The following VPS41 variants were observed in gnomAD, a reference collection of about 807,000 sequenced individuals.
VPS41 encodes VPS41 subunit of HOPS complex.
A neutral mutation model predicts 130.9 loss-of-function variants in VPS41; 85 were observed. That is an observed-to-expected ratio of 0.65 (90% confidence interval 0.55 to 0.78). The LOEUF is 0.78. VPS41 is among the 30% of genes least tolerant of loss of function. The pLI is 0.00. For synonymous variants in VPS41, 335 were observed against 332.9 expected, an observed-to-expected ratio of 1.01 and a Z score of -0.07; for missense variants, 874 against 1,018.7, an observed-to-expected ratio of 0.86 and a Z score of 1.93.
intron 18 of VPS41, among the ~76,000 whole-genome samples, chr7:38,757,370 T>C (rs1344828449): frequency 6.6e-6 from 1 of 152,120 alleles, no homozygotes; most frequent in African/African-American, 2.4e-5. Context: ...AGCTGACAAA[T>C]GGCTAATATT....
Position 38,832,943 on chromosome 7 carries a change from C to A in VPS41, c.247-2615G>T, listed in dbSNP as rs115660803. Among the ~76,000 whole-genome samples, 1,364 of 152,272 alleles carry A rather than the reference C, an allele frequency of 9.0e-3. 27 individuals are homozygous for A. Among genetic ancestry groups the A allele is most frequent in the African/African-American group, 0.03 (1,261 of 41,552 alleles). ...TCTGTACTTGGATGCCTAATATGCACCTCATCTAAAACATATCCAAAACCA... is the reference window on the plus strand; with the variant it reads ...TCTGTACTTGGATGCCTAATATGCAACTCATCTAAAACATATCCAAAACCA... On this transcript the variant is annotated intron_variant, in intron 4 of 28. Transcript: ENST00000310301.
chr7:38,885,417 T>C (rs1208831990), intron 2 of VPS41, among the ~76,000 whole-genome samples: 1 of 152,178 alleles, frequency 6.6e-6, no homozygotes. Flanking sequence ...ATTGTTTATG[T>C]TCCATAAATA....
At chr7:38,793,196 G>C (rs898772115) in intron 9 of VPS41, among the ~76,000 whole-genome samples, 3 of 152,160 alleles carry the variant, frequency 2.0e-5, no homozygotes, top group Non-Finnish European at 4.4e-5. Context: ...TTTCCCAAGG[G>C]AAGGAACTCA....
chr7:38,772,760 T>G (rs1784178972), intron 12 of VPS41, 123 bp from the exon 13 acceptor site: 1 of 597,220 alleles, frequency 1.7e-6, no homozygotes, highest in Non-Finnish European at 3.0e-6. Context: ...CTATCTTTGT[T>G]GTGTGTTTGG....
intron 26 of VPS41, 24 bp downstream of exon 26, chr7:38,728,668 T>C (rs765105133): frequency 1.2e-6 from 2 of 1,613,906 alleles, no homozygotes; most frequent in South Asian, 1.1e-5. Context: ...CGTGGTTCCA[T>C]ATGATTATTT....
intron 4 of VPS41, among the ~76,000 whole-genome samples, chr7:38,841,665 G>A (rs929646010): frequency 2.0e-4 from 31 of 152,250 alleles, no homozygotes; most frequent in African/African-American, 7.0e-4. Context: ...GTGCAATGGC[G>A]CAATCTTGGC....
intron 11 of VPS41, 23 bp from the exon 12 acceptor site, chr7:38,774,267 C>A: frequency 6.4e-7 from 1 of 1,553,702 alleles, no homozygotes; most frequent in South Asian, 1.2e-5. Flanking sequence ...AAGAGAGAAA[C>A]ATTAATTTAA....
intron 7 of VPS41, among the ~76,000 whole-genome samples, chr7:38,804,455 T>C (rs1164168156): frequency 6.6e-6 from 1 of 152,160 alleles, no homozygotes; most frequent in African/African-American, 2.4e-5. Flanking sequence ...GTTCCTGCAT[T>C]AGCAACACAG....
intron 2 of VPS41, among the ~76,000 whole-genome samples, chr7:38,869,982 CTAGAA>C (rs1405881654): frequency 9.8e-5 from 15 of 152,308 alleles, no homozygotes; most frequent in African/African-American, 3.6e-4. Context: ...GCAACCTCAA[CTAGAA>C]GGATCAAGAT....
At chr7:38,890,916 C>T (rs1179208137) in intron 2 of VPS41, among the ~76,000 whole-genome samples, 1 of 152,062 alleles carries the variant, frequency 6.6e-6, no homozygotes, top group Non-Finnish European at 1.5e-5. Context: ...AAACTCCTGG[C>T]CTCAAGTGAT....
At chr7:38,754,966 T>A in intron 19 of VPS41, 30 bp from the exon 20 acceptor site, 3 of 1,607,206 alleles carry the variant, frequency 1.9e-6, no homozygotes, top group Non-Finnish European at 2.6e-6. Context: ...CCACAGTCAA[T>A]GAAATCCGTT....
chr7:38,821,156 T>C, intron 6 of VPS41, 47 bp downstream of exon 6: 1 of 1,430,540 alleles, frequency 7.0e-7, no homozygotes, highest in Non-Finnish European at 9.8e-7. Flanking sequence ...CCATATTGCC[T>C]TACTTGAGAA....
At chr7:38,775,556 C>T (rs1784243310) in intron 11 of VPS41, 1 of 149,952 alleles carries the variant, frequency 6.7e-6, no homozygotes. Context: ...CCAGGAGCCA[C>T]TGCTTTTATT....
At chr7:38,799,010 A>T (rs1784675259) in intron 7 of VPS41, among the ~76,000 whole-genome samples, 2 of 152,144 alleles carry the variant, frequency 1.3e-5, no homozygotes, top group African/African-American at 4.8e-5. Flanking sequence ...ACTCAGTGTA[A>T]TGGGGCAGGA....
chr7:38,908,235 T>C (rs958418475), intron 1 of VPS41, among the ~76,000 whole-genome samples: 1 of 152,174 alleles, frequency 6.6e-6, no homozygotes, highest in African/African-American at 2.4e-5. Flanking sequence ...AAAAACAGTA[T>C]CCAACTGAAA....
chr7:38,733,495 G>A (rs1009652468), intron 25 of VPS41, among the ~76,000 whole-genome samples: 6 of 152,100 alleles, frequency 3.9e-5, no homozygotes, highest in Non-Finnish European at 5.9e-5. Context: ...AAGCTTATAA[G>A]CATGCAGTTT....
At chr7:38,827,478 G>A (rs1785302540) in intron 5 of VPS41, among the ~76,000 whole-genome samples, 1 of 152,176 alleles carries the variant, frequency 6.6e-6, no homozygotes, top group Non-Finnish European at 1.5e-5. Flanking sequence ...GTACAATAAT[G>A]GGAGACAGGA....
At chr7:38,821,615 G>A (rs1785172868) in intron 5 of VPS41, among the ~76,000 whole-genome samples, 1 of 149,614 alleles carries the variant, frequency 6.7e-6, no homozygotes, top group Non-Finnish European at 1.5e-5. Context: ...AGGATGATAG[G>A]AGAATTGCTT....
intron 4 of VPS41, among the ~76,000 whole-genome samples, chr7:38,842,778 A>G (rs1462512442): frequency 6.6e-6 from 1 of 152,216 alleles, no homozygotes. Flanking sequence ...TCCTATGGGA[A>G]GGCCCCTAAC....
Sources: allele counts gnomAD v4.1 joint callset (sites outside exome capture counted in the v4.1 genomes callset), GRCh38; gene constraint gnomAD v4.1.1; transcripts MANE v1.5; gene names NCBI Gene and HGNC (gene_info 2026-07-23, HGNC 2026-07-21).